SLC22A4: variants seen among roughly 807,000 people sequenced by gnomAD.
SLC22A4 encodes solute carrier family 22 member 4.
In SLC22A4, 39 loss-of-function variants were observed where a neutral mutation model predicts 56.6. The observed-to-expected ratio is 0.69, with a 90% confidence interval of 0.53 to 0.90. The LOEUF is 0.90. Ranked by LOEUF, SLC22A4 falls within the 40% of genes least tolerant of loss-of-function variation. The probability of loss-of-function intolerance (pLI) is 0.00; values close to 1 mark genes in which losing one functional copy is unlikely to be tolerated. For synonymous variants in SLC22A4, 241 were observed against 281.4 expected (o/e 0.86, Z 1.44); for missense variants, 594 against 696.5 (o/e 0.85, Z 1.66).
Position 132,343,772 on chromosome 5 carries a change from G to GA in SLC22A4, c.1600dup (p.Thr534AsnfsTer29), listed in dbSNP as rs759406751. 1.9e-6 allele frequency: 3 copies of GA among 1,604,488 alleles called. No homozygotes were observed. Among genetic ancestry groups the GA allele is most frequent in the Non-Finnish European group, 2.6e-6 (3 of 1,172,018 alleles). On this transcript the variant is annotated frameshift_variant, in exon 10 of 10. Transcript: ENST00000200652. LOFTEE classifies it high-confidence loss of function. ...ATTTTATTTTCAGGTTCAGATCTGG[G>GA]AAAAAAACAAGAGACTCAATGGAGA... is the stretch of plus-strand genomic sequence containing the variant.
chr5:132,334,780 C>CT lies in SLC22A4; in HGVS notation c.1109_1110insT (p.Tyr371LeufsTer11). The CT allele has an allele frequency of 6.2e-7, 1 of 1,614,046 alleles. No individual in the cohort carries two copies. The highest frequency in any genetic ancestry group is 8.5e-7 in the Non-Finnish European group (1 of 1,179,922). The stretch of plus-strand genomic sequence containing the variant: ...GATGCTCCTAATTTACATGGAGATG[C>CT]CTACCTGAACTGTTTCCTCTCTGCC... On this transcript the variant is annotated frameshift_variant, in exon 7 of 10. Coordinates refer to ENST00000200652, the MANE Select transcript of SLC22A4 (RefSeq NM_003059.3). LOFTEE classifies it high-confidence loss of function.
intron 1 of SLC22A4, among the ~76,000 whole-genome samples, chr5:132,298,477 G>A (rs1749828149): frequency 6.6e-6 from 1 of 152,242 alleles, no homozygotes; most frequent in Non-Finnish European, 1.5e-5. Flanking sequence ...GGAGTAGGGA[G>A]TCGTTGTTTC....
chr5:132,344,025 C>T lies in SLC22A4; in HGVS notation c.*190C>T. The T allele has an allele frequency of 1.7e-6, 1 of 577,610 alleles. No individual in the cohort carries two copies. Among genetic ancestry groups the T allele is most frequent in the Non-Finnish European group, 3.1e-6 (1 of 322,020 alleles). 35.8% of individuals were successfully genotyped at this position (577,610 alleles called of 1,614,324 possible). A position where few individuals can be genotyped will look rare whatever the true frequency, so the allele number is the denominator to read the frequency against. On this transcript the variant is annotated 3_prime_UTR_variant, in exon 10 of 10. Coordinates refer to ENST00000200652, the MANE Select transcript of SLC22A4 (RefSeq NM_003059.3). The stretch of plus-strand genomic sequence containing the variant: ...ATAATGTCCTTGCTTTACAAACCAA[C>T]CATTTCTAGAGAGTCTCCTTACTCA...
In SLC22A4 at chr5:132,294,601, A is replaced by T. The variant is rs1455718744; in HGVS notation, c.-16A>T. On this transcript the variant is annotated 5_prime_UTR_variant, in exon 1 of 10. Coordinates refer to ENST00000200652, the MANE Select transcript of SLC22A4 (RefSeq NM_003059.3). This position sits in a 1 kb window ranked among gnomAD's most constrained non-coding sequence, Gnocchi z 5.6. ...CATCACCCGTAGTTGCAAGTTTCGG[A>T]GCGGCAGTGGGAAGCATGCGGGACT... 6.2e-7 allele frequency: 1 copy of T among 1,613,994 alleles called. No individual in the cohort carries two copies. Among genetic ancestry groups the T allele is most frequent in the Non-Finnish European group, 8.5e-7 (1 of 1,180,012 alleles).
intron 5 of SLC22A4, among the ~76,000 whole-genome samples, chr5:132,330,230 T>TC (rs747017493): frequency 3.9e-5 from 6 of 152,198 alleles, no homozygotes; most frequent in Non-Finnish European, 5.9e-5. Context: ...GGCCTGGCAC[T>TC]CCCACTTCTT....
chr5:132,334,676 G>T (rs199863244), intron 6 of SLC22A4, 42 bp from the exon 7 acceptor site: 1 of 1,393,582 alleles, frequency 7.2e-7, no homozygotes, highest in Admixed American at 1.7e-5. Flanking sequence ...ATTTTAGAGC[G>T]ATTCACACCA....
chr5:132,317,788 A>T (rs924650679), intron 3 of SLC22A4, among the ~76,000 whole-genome samples: 1 of 152,162 alleles, frequency 6.6e-6, no homozygotes, highest in South Asian at 2.1e-4. Flanking sequence ...ACTTTTCTTT[A>T]TATCTTACTT....
chr5:132,294,901 C>T lies in SLC22A4; in HGVS notation c.285C>T (p.Leu95=), dbSNP rs752151457. The T allele has an allele frequency of 3.6e-5, 57 of 1,596,070 alleles. No homozygotes were observed. In the Admixed American group the frequency reaches 8.1e-4, roughly 23 times the overall value. The part of the protein sequence containing the change: ...RLATIANFSA[L]GLEPGRDVDL... ...CCACCATCGCCAACTTCTCGGCGCT[C>T]GGGCTGGAGCCGGGGCGCGACGTGG... The change falls in exon 1 of 10, where the codon CTC becomes CTT. Residue 95 remains leucine, a synonymous_variant. Coordinates refer to ENST00000200652, the MANE Select transcript of SLC22A4 (RefSeq NM_003059.3). The surrounding 1 kb of genome is among the most constrained non-coding windows in gnomAD (Gnocchi z 5.6).
chr5:132,319,400 G>A (rs1014259853), intron 3 of SLC22A4, among the ~76,000 whole-genome samples: 1 of 151,928 alleles, frequency 6.6e-6, no homozygotes, highest in African/African-American at 2.4e-5. Flanking sequence ...ACTCTCAGTT[G>A]AAGAACTGCT....
At chr5:132,320,600 C>T (rs1410414518) in intron 3 of SLC22A4, among the ~76,000 whole-genome samples, 1 of 152,172 alleles carries the variant, frequency 6.6e-6, no homozygotes, top group African/African-American at 2.4e-5. Context: ...CTGTTTCTAT[C>T]AGTCCAGGTT....
chr5:132,340,502 T>C lies in SLC22A4; in HGVS notation c.1445-63T>C, dbSNP rs1282287850. On this transcript the variant is annotated intron_variant, in intron 8 of 9. Coordinates refer to ENST00000200652, the MANE Select transcript of SLC22A4 (RefSeq NM_003059.3). ...ACTGTTCACCAACTTCACAAAATGATGCTCAAGAGTGCCCAGAGAGTCCTC... is the reference window on the plus strand; with the variant it reads ...ACTGTTCACCAACTTCACAAAATGACGCTCAAGAGTGCCCAGAGAGTCCTC... 27 of 1,487,552 alleles carry C rather than the reference T, an allele frequency of 1.8e-5. No individual in the cohort carries two copies. The Middle Eastern group carries it at 1.0e-3, about 56-fold the overall frequency. 92.1% of individuals were successfully genotyped at this position (1,487,552 alleles called of 1,614,324 possible).
intron 4 of SLC22A4, among the ~76,000 whole-genome samples, chr5:132,323,117 GTC>G (rs567655082): frequency 1.3e-5 from 2 of 152,164 alleles, no homozygotes; most frequent in Non-Finnish European, 2.9e-5. Flanking sequence ...GTCTGGTTCT[GTC>G]TCTCTCTCAT....
intron 1 of SLC22A4, 63 bp from the exon 2 acceptor site, chr5:132,312,098 C>A (rs1005129075): frequency 3.1e-6 from 3 of 960,034 alleles, no homozygotes; most frequent in African/African-American, 1.6e-5. Flanking sequence ...TCCCTCAGAG[C>A]TGGGCTGGGG....
intron 5 of SLC22A4, among the ~76,000 whole-genome samples, chr5:132,329,699 T>G (rs893904059): frequency 6.6e-6 from 1 of 152,146 alleles, no homozygotes; most frequent in African/African-American, 2.4e-5. Context: ...TCAAGCATCC[T>G]TGGCTTCAGA....
intron 1 of SLC22A4, among the ~76,000 whole-genome samples, chr5:132,310,585 G>A (rs1398144699): frequency 3.9e-5 from 6 of 152,204 alleles, no homozygotes; most frequent in East Asian, 3.8e-4. Flanking sequence ...GCAGCAGAGC[G>A]CTAACTTCCT....
In SLC22A4 at chr5:132,313,638, C is replaced by T. The variant is rs374839569; in HGVS notation, c.522C>T (p.Phe174=). The T allele has an allele frequency of 3.0e-5, 49 of 1,614,080 alleles. No individual in the cohort carries two copies. The highest frequency in any genetic ancestry group is 1.6e-4 in the Middle Eastern group (1 of 6,084). The change falls in exon 3 of 10, where the codon TTC becomes TTT. Residue 174 remains phenylalanine (F), a synonymous_variant. Coordinates refer to ENST00000200652, the MANE Select transcript of SLC22A4 (RefSeq NM_003059.3). ...GGTTTGGCAGGAAGAACGTTCTCTT[C>T]GCAACCATGGCTGTACAGACTGGCT... ...SDRFGRKNVL[F]ATMAVQTGFS...
In SLC22A4 at chr5:132,294,543, C is replaced by T; in HGVS notation, c.-74C>T. ...ACGTTCTAACATCCTTGGGGAGCGC[C>T]CCAGCTACAAGACACTGTCCTGAGA... On this transcript the variant is annotated 5_prime_UTR_variant, in exon 1 of 10. Transcript: ENST00000200652. This position sits in a 1 kb window ranked among gnomAD's most constrained non-coding sequence, Gnocchi z 5.6. 1 of 1,606,928 alleles carries T rather than the reference C, an allele frequency of 6.2e-7. No homozygotes were observed. The highest frequency in any genetic ancestry group is 1.1e-5 in the South Asian group (1 of 90,886).
intron 1 of SLC22A4, among the ~76,000 whole-genome samples, chr5:132,299,556 A>T (rs1157336878): frequency 6.6e-6 from 1 of 151,732 alleles, no homozygotes; most frequent in Non-Finnish European, 1.5e-5. Flanking sequence ...CAGCCTCCCG[A>T]GTAGCTGGGA....
rs1267706202 is a variant in SLC22A4, at chr5:132,328,369, C to T, written c.951+966C>T. 3.3e-5 allele frequency among the ~76,000 whole-genome samples: 5 copies of T among 152,148 alleles called. No homozygotes were observed. The East Asian group carries it at 7.7e-4, about 23-fold the overall frequency. ...ACAGAAAGCAGAACTCTGTAGAGGA[C>T]GGTGGGCATGCCACTGCTCACCCCC... On this transcript the variant is annotated intron_variant, in intron 5 of 9. Coordinates refer to ENST00000200652, the MANE Select transcript of SLC22A4 (RefSeq NM_003059.3).
Sources: allele counts gnomAD v4.1 joint callset (sites outside exome capture counted in the v4.1 genomes callset), GRCh38; gene constraint gnomAD v4.1.1; non-coding constraint Gnocchi (gnomAD v3.1); transcripts MANE v1.5; gene names NCBI Gene and HGNC (gene_info 2026-07-23, HGNC 2026-07-21).